DCHS2: variants seen among roughly 807,000 people sequenced by gnomAD.
DCHS2 encodes the protein protocadherin-23.
In DCHS2, 142 loss-of-function variants were observed where a neutral mutation model predicts 182.4. The ratio of observed to expected loss-of-function variants is 0.78; its 90% CI spans 0.68 to 0.89. The LOEUF is 0.89. DCHS2 is among the 40% of genes least tolerant of loss of function. The pLI, the probability that DCHS2 is intolerant of heterozygous loss-of-function variation, is 0.00. For synonymous variants in DCHS2, 1,740 were observed against 1,663.3 expected (o/e 1.05, Z -1.12); for missense variants, 4,319 against 4,198.6 (o/e 1.03, Z -0.79).
At chr4:154,368,481 C>G (rs1434232780) in intron 2 of DCHS2, among the ~76,000 whole-genome samples, 2 of 150,370 alleles carry the variant, frequency 1.3e-5, no homozygotes, top group Non-Finnish European at 1.5e-5. Context: ...AAAAAATAAG[C>G]AAATGTTAGA....
At chr4:154,421,773 G>C (rs530914376) in intron 1 of DCHS2, among the ~76,000 whole-genome samples, 40 of 152,278 alleles carry the variant, frequency 2.6e-4, no homozygotes, top group African/African-American at 9.6e-4. Context: ...TCTAGCCACA[G>C]CCTTTTCTCT....
chr4:154,367,017 T>C (rs1367343258), intron 2 of DCHS2, among the ~76,000 whole-genome samples: 1 of 152,072 alleles, frequency 6.6e-6, no homozygotes, highest in African/African-American at 2.4e-5. Flanking sequence ...CAGCTAGACT[T>C]CAGTTACCAG....
intron 16 of DCHS2, among the ~76,000 whole-genome samples, chr4:154,253,060 T>C (rs931447903): frequency 1.6e-4 from 21 of 130,790 alleles, no homozygotes; most frequent in Admixed American, 1.7e-4. Flanking sequence ...AGAAAAGCAC[T>C]AAAGGATAGA....
chr4:154,328,180 G>A lies in DCHS2; in HGVS notation c.3931C>T (p.Gln1311Ter), dbSNP rs747837457. The A allele has an allele frequency of 6.2e-7, 1 of 1,605,940 alleles. No individual in the cohort carries two copies. Among genetic ancestry groups the A allele is most frequent in the South Asian group, 1.1e-5 (1 of 88,762 alleles). The change falls in exon 7 of 20, where the codon CAA becomes TAA. Residue 1311 changes from glutamine to a stop codon, truncating the protein, a stop_gained. Transcript: ENST00000357232. LOFTEE classifies it high-confidence loss of function. ...GTTGTAACCAACATATTTACTGGTT[G>A]ACCTTCCAGAACCTGCCATTAAAAC... ...KELHVKVLEG[Q>*]PVNMLVTTVF...
In DCHS2 at chr4:154,241,874, G is replaced by C. The variant is rs114041804; in HGVS notation, c.7072+768C>G. ...ATATCTCTATGCATAGACATGTCTG[G>C]AATATTTCCCTCTGTGAGAGGTTAT... is the stretch of plus-strand genomic sequence containing the variant. On this transcript the variant is annotated intron_variant, in intron 17 of 19. Transcript: ENST00000357232. Among the ~76,000 whole-genome samples, 622 of 152,256 alleles carry C rather than the reference G, an allele frequency of 4.1e-3. 9 individuals carry two copies. Among genetic ancestry groups the C allele is most frequent in the African/African-American group, 0.015 (604 of 41,562 alleles).
At chr4:154,306,278 A>T (rs1030394250) in intron 10 of DCHS2, among the ~76,000 whole-genome samples, 3 of 152,102 alleles carry the variant, frequency 2.0e-5, no homozygotes, top group African/African-American at 7.2e-5. Context: ...TGAGAAAAAA[A>T]GTCTAATAAC....
chr4:154,397,571 T>C (rs894467716), intron 1 of DCHS2, among the ~76,000 whole-genome samples: 3 of 152,200 alleles, frequency 2.0e-5, no homozygotes, highest in Non-Finnish European at 4.4e-5. Flanking sequence ...AATTACAAGA[T>C]ACCGTGTCCC....
At position 154,490,708 on chromosome 4, in the gene DCHS2, G is replaced by A. The variant is rs1728790889; in HGVS notation, c.648C>T (p.Pro216=). Residue 216 remains proline, a synonymous_variant, in exon 1 of 20, where the codon CCC becomes CCT. Coordinates refer to ENST00000357232, the MANE Select transcript of DCHS2 (RefSeq NM_001358235.2). ...AGCGCAACTGGAAGAACGGGCCTGC[G>A]GGGTCCTTGGGCAGGTCGGACGGTT... ...LVQPSDLPKD[P]AGPFFQLRYR... The A allele has an allele frequency of 1.3e-6, 2 of 1,551,488 alleles. No homozygotes were observed. The highest frequency in any genetic ancestry group is 2.0e-5 in the Admixed American group (1 of 50,982).
At chr4:154,486,831 C>G (rs568716613) in intron 1 of DCHS2, among the ~76,000 whole-genome samples, 1 of 152,278 alleles carries the variant, frequency 6.6e-6, no homozygotes, top group South Asian at 2.1e-4. Context: ...TTTTGCAAAT[C>G]TTGAGGGGCT....
rs562631599 is a variant in DCHS2 at position 154,270,132 on chromosome 4, A to C, written c.6464-119T>G. 6.4e-6 allele frequency: 8 copies of C among 1,245,186 alleles called. No homozygotes were observed. The South Asian group carries it at 9.7e-5, about 15-fold the overall frequency. 77.1% of individuals were successfully genotyped at this position (1,245,186 alleles called of 1,614,324 possible). On this transcript the variant is annotated intron_variant, in intron 13 of 19. Coordinates refer to ENST00000357232, the MANE Select transcript of DCHS2 (RefSeq NM_001358235.2). Reference sequence around the variant, plus strand: ...ATGTTTTCACTTGTTCATTGATTCAACAATAACTTATTGTCTTCAATGAGC... The same window carrying C: ...ATGTTTTCACTTGTTCATTGATTCACCAATAACTTATTGTCTTCAATGAGC...
chr4:154,410,175 T>C (rs1157758771), intron 1 of DCHS2, among the ~76,000 whole-genome samples: 4 of 151,964 alleles, frequency 2.6e-5, no homozygotes, highest in Non-Finnish European at 4.4e-5. Context: ...CAAAGAAAAG[T>C]AAATTTATAA....
intron 2 of DCHS2, among the ~76,000 whole-genome samples, chr4:154,368,027 T>C (rs902577000): frequency 6.6e-5 from 10 of 152,160 alleles, no homozygotes; most frequent in Admixed American, 2.6e-4. Context: ...CTGAGTTGAA[T>C]AAAGTGCCAG....
At chr4:154,267,418 C>T (rs1733333693) in intron 14 of DCHS2, among the ~76,000 whole-genome samples, 1 of 152,058 alleles carries the variant, frequency 6.6e-6, no homozygotes, top group African/African-American at 2.4e-5. Flanking sequence ...TCCAACCTTT[C>T]CTCATCCAAG....
intron 13 of DCHS2, among the ~76,000 whole-genome samples, chr4:154,282,778 A>G (rs755449920): frequency 7.2e-5 from 11 of 152,174 alleles, no homozygotes; most frequent in Non-Finnish European, 7.4e-5. Context: ...AAAGCAACCT[A>G]AATGTCCCTC....
chr4:154,352,002 A>C (rs1229519621), intron 3 of DCHS2, among the ~76,000 whole-genome samples: 1 of 152,078 alleles, frequency 6.6e-6, no homozygotes, highest in Non-Finnish European at 1.5e-5. Context: ...AGCTAGGTGC[A>C]TTCAACTCAC....
Position 154,329,719 on chromosome 4 carries a change from T to A in DCHS2, c.3731-9A>T. ...CCAATTGATTAACTCTCCTGCAGAG[T>A]ACAGAGCAGAACAAGACACAGGCAC... On this transcript the variant is annotated splice_polypyrimidine_tract_variant and intron_variant, in intron 5 of 19. Coordinates refer to ENST00000357232, the MANE Select transcript of DCHS2 (RefSeq NM_001358235.2). The A allele has an allele frequency of 6.8e-6, 11 of 1,609,320 alleles. No homozygotes were observed. Among genetic ancestry groups the A allele is most frequent in the African/African-American group, 4.0e-5 (3 of 74,860 alleles).
chr4:154,472,604 C>T (rs1380579428), intron 1 of DCHS2, among the ~76,000 whole-genome samples: 2 of 152,214 alleles, frequency 1.3e-5, no homozygotes, highest in Non-Finnish European at 2.9e-5. Context: ...GACTCATTCT[C>T]TCACCAAAAC....
chr4:154,322,229 T>A, intron 8 of DCHS2, 102 bp downstream of exon 8: 1 of 1,443,164 alleles, frequency 6.9e-7, no homozygotes, highest in Admixed American at 2.0e-5. Flanking sequence ...ACATACATAT[T>A]CATATACATA....
At position 154,489,669 on chromosome 4, in the gene DCHS2, C is replaced by T; in HGVS notation, c.1687G>A (p.Ala563Thr). 6.4e-7 allele frequency: 1 copy of T among 1,551,632 alleles called. No individual in the cohort carries two copies. Among genetic ancestry groups the T allele is most frequent in the Non-Finnish European group, 8.7e-7 (1 of 1,146,942 alleles). Reference protein sequence around the residue: ...APGTVVMWVSASDADEAGSDH... With the variant: ...APGTVVMWVSTSDADEAGSDH... Reference sequence around the variant, plus strand: ...CTGCCTGCCTCGTCGGCATCGGAGGCGCTGACCCACATGACTACAGTGCCA... The same window carrying T: ...CTGCCTGCCTCGTCGGCATCGGAGGTGCTGACCCACATGACTACAGTGCCA... The change falls in exon 1 of 20, where the codon GCC becomes ACC. Residue 563 changes from alanine to threonine, a missense_variant. Coordinates refer to ENST00000357232, the MANE Select transcript of DCHS2 (RefSeq NM_001358235.2).
Sources: allele counts gnomAD v4.1 joint callset (sites outside exome capture counted in the v4.1 genomes callset), GRCh38; gene constraint gnomAD v4.1.1; transcripts MANE v1.5; gene names NCBI Gene and HGNC (gene_info 2026-07-23, HGNC 2026-07-21).